RASEF: variants seen among roughly 807,000 people sequenced by gnomAD.
RASEF encodes ras and EF-hand domain-containing protein.
In RASEF, 68 loss-of-function variants were observed where a neutral mutation model predicts 90.1. The ratio of observed to expected loss-of-function variants is 0.75; its 90% confidence interval spans 0.62 to 0.92. The LOEUF is 0.92. Ranked by LOEUF, RASEF falls within the 40% of genes least tolerant of loss-of-function variation. The probability of loss-of-function intolerance (pLI) is 0.00; values close to 1 mark genes in which losing one functional copy is unlikely to be tolerated. For missense variants in RASEF, 949 were observed against 937.2 expected, an observed-to-expected ratio of 1.01 and a Z score of -0.16; for synonymous variants, 331 against 345.2, an observed-to-expected ratio of 0.96 and a Z score of 0.46.
chr9:83,203,821 A>G, the RASEF span, among the ~76,000 whole-genome samples: 1 of 152,188 alleles, frequency 6.6e-6, no homozygotes, highest in African/African-American at 2.4e-5. Context: ...TGGTGCCAGC[A>G]GAACTAAGGG....
At chr9:83,217,652 T>C in the RASEF span, among the ~76,000 whole-genome samples, 1,068 of 152,244 alleles carry the variant, frequency 7.0e-3, 12 homozygotes, top group African/African-American at 0.024. Context: ...TCCGCCATGA[T>C]TGTGAGGCCT....
chr9:83,017,459 C>T (rs1158220358), intron 3 of RASEF, among the ~76,000 whole-genome samples: 5 of 151,632 alleles, frequency 3.3e-5, no homozygotes, highest in South Asian at 4.2e-4. Context: ...GAGATCGCGC[C>T]ACAGCACTCC....
At chr9:83,033,118 G>A (rs1445417744) in intron 1 of RASEF, among the ~76,000 whole-genome samples, 1 of 152,142 alleles carries the variant, frequency 6.6e-6, no homozygotes, top group Non-Finnish European at 1.5e-5. Flanking sequence ...CCCAGTTTTT[G>A]TAAACGAAAG....
chr9:83,045,760 A>G (rs1357027084), intron 1 of RASEF, among the ~76,000 whole-genome samples: 1 of 152,200 alleles, frequency 6.6e-6, no homozygotes, highest in African/African-American at 2.4e-5. Context: ...AGGTCAGTAA[A>G]TGAAGTATGC....
the RASEF span, among the ~76,000 whole-genome samples, chr9:83,210,084 T>C: frequency 2.0e-5 from 3 of 152,194 alleles, no homozygotes; most frequent in Non-Finnish European, 2.9e-5. Flanking sequence ...GATATTTGCG[T>C]CATGGAATTT....
intron 14 of RASEF, among the ~76,000 whole-genome samples, chr9:82,996,508 G>A (rs1828921206): frequency 6.6e-6 from 1 of 152,164 alleles, no homozygotes; most frequent in Non-Finnish European, 1.5e-5. Context: ...TATTTCGGTA[G>A]TACCTTGAGA....
chr9:83,085,451 T>G, the RASEF span, among the ~76,000 whole-genome samples: 3 of 150,328 alleles, frequency 2.0e-5, no homozygotes, highest in African/African-American at 7.4e-5. Context: ...CTAGGCAACA[T>G]GGCAAAACCC....
At chr9:83,138,352 C>G in the RASEF span, among the ~76,000 whole-genome samples, 1 of 152,072 alleles carries the variant, frequency 6.6e-6, no homozygotes, top group Non-Finnish European at 1.5e-5. Flanking sequence ...ACAATGAAAA[C>G]AGTTCTCTAA....
chr9:83,007,636 C>T (rs566704230), intron 6 of RASEF, 131 bp from the exon 7 acceptor site: 9 of 688,898 alleles, frequency 1.3e-5, no homozygotes, highest in Admixed American at 4.3e-5. Context: ...CTATCTTTCC[C>T]GTGCTCCTGC....
intron 15 of RASEF, 150 bp from the exon 16 acceptor site, chr9:82,990,617 C>A: frequency 1.8e-6 from 1 of 555,348 alleles, no homozygotes; most frequent in Non-Finnish European, 3.1e-6. Flanking sequence ...AGTTCCAGTA[C>A]TTACAAAGAA....
the RASEF span, among the ~76,000 whole-genome samples, chr9:83,148,832 C>T: frequency 1.6e-4 from 25 of 152,192 alleles, no homozygotes; most frequent in Non-Finnish European, 2.4e-4. Context: ...GGGGAGAAGA[C>T]AGCGAGAAAA....
intron 1 of RASEF, among the ~76,000 whole-genome samples, chr9:83,027,376 C>T (rs916739268): frequency 1.1e-4 from 16 of 152,184 alleles, no homozygotes; most frequent in African/African-American, 3.6e-4. Flanking sequence ...TCACGTCAGT[C>T]TTTCTTAATC....
intron 16 of RASEF, among the ~76,000 whole-genome samples, chr9:82,986,970 T>C (rs1434627484): frequency 4.6e-5 from 7 of 152,208 alleles, no homozygotes; most frequent in Non-Finnish European, 7.3e-5. Context: ...GCAGAGTAGT[T>C]CAGGTTGTTA....
the RASEF span, among the ~76,000 whole-genome samples, chr9:83,161,997 C>G: frequency 6.6e-6 from 1 of 151,934 alleles, no homozygotes; most frequent in African/African-American, 2.4e-5. Context: ...TGTAAATTTC[C>G]CAGTCTCAGG....
At chr9:83,004,384 T>G in intron 9 of RASEF, 114 bp downstream of exon 9, 1 of 606,894 alleles carries the variant, frequency 1.6e-6, no homozygotes, top group Non-Finnish European at 2.9e-6. Context: ...TCATAGAAAA[T>G]ATAAATTAGT....
At chr9:83,052,517 G>C (rs1315917670) in intron 1 of RASEF, among the ~76,000 whole-genome samples, 1 of 37,178 alleles carries the variant, frequency 2.7e-5, no homozygotes, top group Non-Finnish European at 4.8e-5. Flanking sequence ...TTGATTTTTT[G>C]AAGGGTTTTT....
intron 12 of RASEF, among the ~76,000 whole-genome samples, chr9:82,998,754 T>G (rs903777743): frequency 5.3e-5 from 8 of 151,616 alleles, no homozygotes; most frequent in Non-Finnish European, 7.4e-5. Context: ...TGTGTGTGTG[T>G]GGGTGTGTGT....
At chr9:83,178,826 G>A in the RASEF span, among the ~76,000 whole-genome samples, 3 of 152,072 alleles carry the variant, frequency 2.0e-5, no homozygotes, top group African/African-American at 4.8e-5. Context: ...TTTAGAAATG[G>A]GTTTCCTTCC....
chr9:83,120,890 G>C, the RASEF span, among the ~76,000 whole-genome samples: 1 of 152,100 alleles, frequency 6.6e-6, no homozygotes, highest in Non-Finnish European at 1.5e-5. Flanking sequence ...ACCACCATCT[G>C]ATACGCAGAC....
Sources: allele counts gnomAD v4.1 joint callset (sites outside exome capture counted in the v4.1 genomes callset), GRCh38; gene constraint gnomAD v4.1.1; transcripts MANE v1.5; gene names NCBI Gene and HGNC (gene_info 2026-07-23, HGNC 2026-07-21).